ERC2: variants seen among roughly 807,000 people sequenced by gnomAD.
ERC2 encodes ELKS/RAB6-interacting/CAST family member 2, also known as ERC protein 2.
Under a neutral mutation model 114.8 loss-of-function variants are expected in ERC2, and 42 were observed. The observed-to-expected ratio is 0.37, with a 90% CI of 0.29 to 0.47. The LOEUF is 0.47. ERC2 is among the 20% of genes least tolerant of loss of function. The probability of loss-of-function intolerance (pLI) is 0.99; values close to 1 mark genes in which losing one functional copy is unlikely to be tolerated. For synonymous variants in ERC2, 454 were observed against 425.5 expected (o/e 1.07, Z -0.82); for missense variants, 939 against 1,150.7 (o/e 0.82, Z 2.66).
At chr3:56,116,209 CT>C (rs1406930305) in intron 6 of ERC2, among the ~76,000 whole-genome samples, 4 of 152,086 alleles carry the variant, frequency 2.6e-5, no homozygotes, top group African/African-American at 9.7e-5. Context: ...AAAAGAAAAT[CT>C]TTTTTAAGAC....
chr3:55,583,354 C>T (rs568423964), intron 17 of ERC2, among the ~76,000 whole-genome samples: 1 of 151,708 alleles, frequency 6.6e-6, no homozygotes, highest in Non-Finnish European at 1.5e-5. Flanking sequence ...TGCCTGCCTG[C>T]CTGCCTGCCT....
intron 14 of ERC2, among the ~76,000 whole-genome samples, chr3:55,836,791 A>C (rs2060907166): frequency 6.6e-6 from 1 of 152,236 alleles, no homozygotes; most frequent in Admixed American, 6.5e-5. Context: ...GCACAGCAAA[A>C]GAAACTACGA....
intron 17 of ERC2, among the ~76,000 whole-genome samples, chr3:55,664,570 G>C (rs1270244726): frequency 1.3e-5 from 2 of 152,202 alleles, no homozygotes; most frequent in African/African-American, 2.4e-5. Flanking sequence ...AGGAGGGGCT[G>C]GGTTACCATC....
At chr3:56,381,452 T>C (rs2059748086) in intron 2 of ERC2, among the ~76,000 whole-genome samples, 1 of 152,144 alleles carries the variant, frequency 6.6e-6, no homozygotes, top group African/African-American at 2.4e-5. Flanking sequence ...GAATACTGTA[T>C]TCTCAATCTG....
At chr3:56,338,978 AG>A (rs1464507439) in intron 2 of ERC2, among the ~76,000 whole-genome samples, 6 of 152,172 alleles carry the variant, frequency 3.9e-5, no homozygotes, top group African/African-American at 1.4e-4. Flanking sequence ...CCTTGCATCA[AG>A]AGTAGCAAAG....
At chr3:55,538,315 C>T (rs2054131607) in intron 17 of ERC2, among the ~76,000 whole-genome samples, 1 of 152,186 alleles carries the variant, frequency 6.6e-6, no homozygotes, top group South Asian at 2.1e-4. Context: ...AGAGCAGAAG[C>T]CACTTACAGA....
chr3:55,648,531 G>A (rs750701202), intron 17 of ERC2, among the ~76,000 whole-genome samples: 23 of 152,308 alleles, frequency 1.5e-4, no homozygotes, highest in African/African-American at 2.6e-4. Context: ...GATGTGTCTC[G>A]CAGGCGGCTG....
intron 13 of ERC2, among the ~76,000 whole-genome samples, chr3:55,898,566 G>A (rs1221983118): frequency 6.6e-6 from 1 of 152,102 alleles, no homozygotes; most frequent in Non-Finnish European, 1.5e-5. Context: ...GAGACCTTGT[G>A]AGGAATACGG....
chr3:56,032,913 A>AAGAAAGAAAGAAAGAGAGAGAGAGAC (rs2074478350), intron 7 of ERC2, among the ~76,000 whole-genome samples: 1 of 68,636 alleles, frequency 1.5e-5, no homozygotes, highest in Non-Finnish European at 3.3e-5. Context: ...GAAAGAAAGA[A>AAGAAAGAAAGAAAGAGAGAGAGAGAC]AGAAAGAAAG....
chr3:55,511,371 A>C (rs1176479375), intron 17 of ERC2, 95 bp from the exon 18 acceptor site: 8 of 152,610 alleles, frequency 5.2e-5, no homozygotes, highest in Admixed American at 5.2e-4. Flanking sequence ...TCACCCCTAC[A>C]ACAGCCTCTC....
chr3:56,310,124 G>C (rs1375955745), intron 2 of ERC2, among the ~76,000 whole-genome samples: 1 of 152,242 alleles, frequency 6.6e-6, no homozygotes, highest in East Asian at 1.9e-4. Context: ...TTTCCCTGTT[G>C]TTAGCCAGTA....
chr3:56,391,326 A>G (rs2060120735), intron 2 of ERC2, among the ~76,000 whole-genome samples: 1 of 152,184 alleles, frequency 6.6e-6, no homozygotes, highest in African/African-American at 2.4e-5. Context: ...ACCATTGACT[A>G]CATCCTCCTC....
At chr3:56,366,675 C>T (rs980744910) in intron 2 of ERC2, among the ~76,000 whole-genome samples, 1 of 152,122 alleles carries the variant, frequency 6.6e-6, no homozygotes, top group Admixed American at 6.6e-5. Flanking sequence ...CCCTTTTGTC[C>T]TTCTATTTTG....
intron 7 of ERC2, among the ~76,000 whole-genome samples, chr3:56,043,822 C>T (rs2075323908): frequency 6.6e-6 from 1 of 152,110 alleles, no homozygotes; most frequent in East Asian, 1.9e-4. Context: ...AAAATTCAAA[C>T]ACATCATCTA....
At chr3:56,215,693 C>G (rs2049415145) in intron 3 of ERC2, among the ~76,000 whole-genome samples, 1 of 152,146 alleles carries the variant, frequency 6.6e-6, no homozygotes, top group Non-Finnish European at 1.5e-5. Flanking sequence ...AATATACATT[C>G]TTCTCAACAC....
intron 17 of ERC2, among the ~76,000 whole-genome samples, chr3:55,672,329 A>T (rs2061594440): frequency 7.0e-6 from 1 of 142,388 alleles, no homozygotes; most frequent in African/African-American, 2.6e-5. Context: ...ACAGAGGAGG[A>T]CCCTATCTCA....
At chr3:56,180,853 T>C (rs1036446039) in intron 3 of ERC2, among the ~76,000 whole-genome samples, 65 of 152,250 alleles carry the variant, frequency 4.3e-4, no homozygotes, top group Non-Finnish European at 1.6e-4. Context: ...ACAGAAATTG[T>C]TGAAGACCCA....
At chr3:56,190,538 G>A (rs149125318) in intron 3 of ERC2, among the ~76,000 whole-genome samples, 219 of 152,258 alleles carry the variant, frequency 1.4e-3, no homozygotes, top group African/African-American at 4.6e-3. Flanking sequence ...GAGCTCAAGC[G>A]ATCCCCCCAC....
intron 13 of ERC2, among the ~76,000 whole-genome samples, chr3:55,892,698 A>T (rs757970070): frequency 5.8e-4 from 89 of 152,192 alleles, no homozygotes; most frequent in Non-Finnish European, 1.1e-3. Context: ...TTCTCTCTAT[A>T]TTTATGCACA....
Sources: gnomAD v4.1 joint callset for allele counts (sites outside exome capture counted in the v4.1 genomes callset) on GRCh38, gnomAD v4.1.1 for gene constraint, MANE v1.5 for transcripts, NCBI Gene and HGNC (gene_info 2026-07-23, HGNC 2026-07-21) for gene names.